Variants in ATP6V1H observed in about 807,000 individuals in gnomAD.
ATP6V1H encodes V-type proton ATPase subunit H.
Under a neutral mutation model 71.7 loss-of-function variants are expected in ATP6V1H, and 39 were observed. The ratio of observed to expected loss-of-function variants is 0.54; its 90% CI spans 0.42 to 0.71. The LOEUF (loss-of-function observed/expected upper bound fraction) is 0.71. Ranked by LOEUF, ATP6V1H falls within the 30% of genes least tolerant of loss-of-function variation. The probability of loss-of-function intolerance (pLI) is 0.00; values close to 1 mark genes in which losing one functional copy is unlikely to be tolerated. For synonymous variants in ATP6V1H, 192 were observed against 199.3 expected (o/e 0.96, Z 0.31); for missense variants, 509 against 594.9 (o/e 0.86, Z 1.50).
chr8:53,770,722 T>C (rs187355786), intron 10 of ATP6V1H, among the ~76,000 whole-genome samples: 2 of 152,278 alleles, frequency 1.3e-5, no homozygotes, highest in Admixed American at 1.3e-4. Flanking sequence ...AAATTCAAGA[T>C]AATCAATAAT....
At chr8:53,727,695 T>A (rs757011649) in intron 13 of ATP6V1H, among the ~76,000 whole-genome samples, 1 of 152,242 alleles carries the variant, frequency 6.6e-6, no homozygotes, top group African/African-American at 2.4e-5. Context: ...ACTTTAAATA[T>A]GTCGCTCTAG....
intron 13 of ATP6V1H, among the ~76,000 whole-genome samples, chr8:53,732,591 G>A (rs1320238145): frequency 6.6e-6 from 1 of 151,132 alleles, no homozygotes; most frequent in Non-Finnish European, 1.5e-5. Context: ...TTCCTTTAGA[G>A]TGACTCATAG....
chr8:53,727,679 C>G (rs1463371820), intron 13 of ATP6V1H, among the ~76,000 whole-genome samples: 1 of 152,244 alleles, frequency 6.6e-6, no homozygotes, highest in Non-Finnish European at 1.5e-5. Context: ...TCTCACTCCA[C>G]TGATTACTTT....
At chr8:53,810,083 AC>A (rs1204265539) in intron 7 of ATP6V1H, among the ~76,000 whole-genome samples, 2 of 152,198 alleles carry the variant, frequency 1.3e-5, no homozygotes, top group African/African-American at 4.8e-5. Context: ...AGTACCAGCA[AC>A]CAATATGGAT....
intron 13 of ATP6V1H, 48 bp from the exon 14 acceptor site, chr8:53,716,072 G>A: frequency 6.7e-7 from 1 of 1,481,648 alleles, no homozygotes; most frequent in Non-Finnish European, 9.3e-7. Context: ...CAATAGCAAA[G>A]AATCACTTCC....
chr8:53,771,202 C>T (rs942443880), intron 10 of ATP6V1H, among the ~76,000 whole-genome samples: 3 of 152,174 alleles, frequency 2.0e-5, no homozygotes, highest in Non-Finnish European at 4.4e-5. Context: ...CAAGGCCACA[C>T]AGGGAAAAAG....
chr8:53,834,482 G>A (rs1811097467), intron 2 of ATP6V1H, among the ~76,000 whole-genome samples: 1 of 152,190 alleles, frequency 6.6e-6, no homozygotes, highest in African/African-American at 2.4e-5. Flanking sequence ...CTGGAGTGCA[G>A]TGGCACGATC....
At chr8:53,744,074 C>T (rs1807510082) in intron 12 of ATP6V1H, among the ~76,000 whole-genome samples, 1 of 152,036 alleles carries the variant, frequency 6.6e-6, no homozygotes. Context: ...TTCATAACAA[C>T]ATACAATCAA....
intron 2 of ATP6V1H, among the ~76,000 whole-genome samples, chr8:53,834,839 G>A (rs936061267): frequency 7.2e-5 from 11 of 151,972 alleles, no homozygotes; most frequent in African/African-American, 2.7e-4. Flanking sequence ...ATGTAAAGCA[G>A]GTTCCCACTA....
intron 12 of ATP6V1H, among the ~76,000 whole-genome samples, chr8:53,749,900 G>A (rs1485590417): frequency 6.6e-6 from 1 of 152,196 alleles, no homozygotes; most frequent in Non-Finnish European, 1.5e-5. Flanking sequence ...CCTAAGGTGA[G>A]TGTCAGGCAT....
chr8:53,764,174 T>C (rs891750195), intron 11 of ATP6V1H, among the ~76,000 whole-genome samples: 2 of 152,176 alleles, frequency 1.3e-5, no homozygotes, highest in Non-Finnish European at 2.9e-5. Context: ...CTTAACTCAT[T>C]CTATGAGACC....
At chr8:53,817,206 T>C (rs931884260) in intron 5 of ATP6V1H, among the ~76,000 whole-genome samples, 1 of 151,204 alleles carries the variant, frequency 6.6e-6, no homozygotes, top group Non-Finnish European at 1.5e-5. Flanking sequence ...AAAACAAAAA[T>C]TTTAAAATAA....
At chr8:53,736,322 T>C (rs1038073196) in intron 13 of ATP6V1H, among the ~76,000 whole-genome samples, 5 of 152,184 alleles carry the variant, frequency 3.3e-5, no homozygotes, top group Non-Finnish European at 4.4e-5. Flanking sequence ...GCCGAAAACA[T>C]TGCCGGCAGC....
chr8:53,733,588 T>C (rs1217442205), intron 13 of ATP6V1H, among the ~76,000 whole-genome samples: 1 of 152,164 alleles, frequency 6.6e-6, no homozygotes, highest in Non-Finnish European at 1.5e-5. Flanking sequence ...GGATTTACTA[T>C]CCGACAGGGG....
chr8:53,793,133 G>A (rs1809622097), intron 9 of ATP6V1H, among the ~76,000 whole-genome samples: 1 of 152,102 alleles, frequency 6.6e-6, no homozygotes, highest in Admixed American at 6.5e-5. Flanking sequence ...TTTATAGAAA[G>A]AATATAAATA....
intron 4 of ATP6V1H, among the ~76,000 whole-genome samples, chr8:53,827,203 T>C (rs1336439452): frequency 6.6e-6 from 1 of 151,610 alleles, no homozygotes; most frequent in Non-Finnish European, 1.5e-5. Flanking sequence ...GCCAACATGG[T>C]GAAACCTCGT....
At position 53,784,936 on chromosome 8, in the gene ATP6V1H, G is replaced by A. The variant is rs960218667; in HGVS notation, c.870+10711C>T. 2.2e-3 allele frequency among the ~76,000 whole-genome samples: 332 copies of A among 152,190 alleles called. 1 individual carries two copies. Among genetic ancestry groups the A allele is most frequent in the African/African-American group, 7.7e-3 (321 of 41,516 alleles). On this transcript the variant is annotated intron_variant, in intron 9 of 13. Coordinates refer to ENST00000359530, the MANE Select transcript of ATP6V1H (RefSeq NM_015941.4). ...TTAGTCTGATGGGCTTCCCTTTGTG[G>A]GTAACCCGACCTTTCTCTCTGGCTG...
chr8:53,724,684 T>C (rs1345456562), intron 13 of ATP6V1H, among the ~76,000 whole-genome samples: 1 of 150,362 alleles, frequency 6.7e-6, no homozygotes, highest in East Asian at 2.0e-4. Flanking sequence ...TCTCTGCGCA[T>C]GTCTAGTTCT....
intron 3 of ATP6V1H, chr8:53,831,944 G>A (rs370423257): frequency 6.0e-5 from 9 of 150,884 alleles, no homozygotes; most frequent in Admixed American, 1.3e-4. Context: ...CTAACTGTTC[G>A]CCTCAAAACA....
Sources: gnomAD v4.1 joint callset for allele counts (sites outside exome capture counted in the v4.1 genomes callset) on GRCh38, gnomAD v4.1.1 for gene constraint, MANE v1.5 for transcripts, NCBI Gene and HGNC (gene_info 2026-07-23, HGNC 2026-07-21) for gene names.